PKIB: variants seen among roughly 807,000 people sequenced by gnomAD.
The protein encoded by PKIB is cAMP-dependent protein kinase inhibitor beta, also known as PKI-beta.
Under a neutral mutation model 4.5 loss-of-function variants are expected in PKIB, and 2 were observed. The ratio of observed to expected loss-of-function variants is 0.44; its 90% CI spans 0.18 to 1.39. The LOEUF (loss-of-function observed/expected upper bound fraction) is 1.39, where lower values mean the gene tolerates loss of function less well. Among genes scored for constraint, PKIB ranks in the 40% most tolerant of loss-of-function variants. The probability of loss-of-function intolerance (pLI) is 0.27; values close to 1 mark genes in which losing one functional copy is unlikely to be tolerated. For missense variants in PKIB, 94 were observed against 92.6 expected (o/e 1.02, Z -0.06); for synonymous variants, 38 against 36.0 (o/e 1.06, Z -0.20).
At chr6:122,676,987 T>A (rs1209777948) in intron 3 of PKIB, among the ~76,000 whole-genome samples, 1 of 152,212 alleles carries the variant, frequency 6.6e-6, no homozygotes, top group East Asian at 1.9e-4. Context: ...CTACATTGTT[T>A]TATAGATCTT....
intron 2 of PKIB, among the ~76,000 whole-genome samples, chr6:122,654,053 G>C (rs571813656): frequency 5.4e-4 from 83 of 152,308 alleles, no homozygotes; most frequent in African/African-American, 2.0e-3. Flanking sequence ...ATTATGGTCA[G>C]CAAGATATGC....
At chr6:122,674,469 C>A (rs1777592711) in intron 2 of PKIB, among the ~76,000 whole-genome samples, 1 of 152,114 alleles carries the variant, frequency 6.6e-6, no homozygotes, top group African/African-American at 2.4e-5. Flanking sequence ...ATTTTTCACC[C>A]TTCTTATGCC....
At chr6:122,506,328 A>G (rs1305711617) in intron 2 of PKIB, among the ~76,000 whole-genome samples, 1 of 152,202 alleles carries the variant, frequency 6.6e-6, no homozygotes, top group Non-Finnish European at 1.5e-5. Flanking sequence ...TTTGGTGGGA[A>G]GAAAACTGAT....
intron 2 of PKIB, among the ~76,000 whole-genome samples, chr6:122,575,734 A>G (rs1008089832): frequency 6.6e-6 from 1 of 152,192 alleles, no homozygotes; most frequent in African/African-American, 2.4e-5. Flanking sequence ...GCAAAGGCAT[A>G]ACAGTACTAT....
intron 4 of PKIB, among the ~76,000 whole-genome samples, chr6:122,720,890 C>T (rs1020305184): frequency 9.2e-5 from 14 of 152,172 alleles, no homozygotes; most frequent in African/African-American, 3.4e-4. Context: ...TTAGTAGAAA[C>T]GGGGTTTCAC....
intron 3 of PKIB, among the ~76,000 whole-genome samples, chr6:122,684,003 G>T (rs912294560): frequency 1.3e-5 from 2 of 152,168 alleles, no homozygotes; most frequent in Admixed American, 1.3e-4. Context: ...AGAAAATGTG[G>T]TATATTTATA....
At chr6:122,633,763 T>G (rs1469833149) in intron 2 of PKIB, among the ~76,000 whole-genome samples, 1 of 152,218 alleles carries the variant, frequency 6.6e-6, no homozygotes, top group African/African-American at 2.4e-5. Context: ...TCTTATAAAC[T>G]GACTGCTTTT....
intron 3 of PKIB, among the ~76,000 whole-genome samples, chr6:122,703,046 G>A (rs531245522): frequency 1.3e-5 from 2 of 152,118 alleles, no homozygotes; most frequent in Non-Finnish European, 2.9e-5. Context: ...GTGCAATAAT[G>A]TGCTACAGAA....
intron 2 of PKIB, among the ~76,000 whole-genome samples, chr6:122,544,949 G>T (rs1458289609): frequency 6.6e-6 from 1 of 151,994 alleles, no homozygotes; most frequent in Non-Finnish European, 1.5e-5. Context: ...ATACCATCTT[G>T]CACTGGTCAG....
chr6:122,521,584 G>A (rs1259691086), intron 2 of PKIB, among the ~76,000 whole-genome samples: 1 of 152,102 alleles, frequency 6.6e-6, no homozygotes, highest in Admixed American at 6.6e-5. Context: ...GGAGGCTGAG[G>A]CAGGAGAATG....
chr6:122,489,980 T>A (rs1775891867), intron 2 of PKIB, among the ~76,000 whole-genome samples: 1 of 152,340 alleles, frequency 6.6e-6, no homozygotes, highest in South Asian at 2.1e-4. Flanking sequence ...CCTTTCTGTG[T>A]ATACAAAAAA....
At chr6:122,682,541 G>T (rs1404354552) in intron 3 of PKIB, among the ~76,000 whole-genome samples, 1 of 151,954 alleles carries the variant, frequency 6.6e-6, no homozygotes, top group Admixed American at 6.5e-5. Context: ...TTCAACTTGA[G>T]GGGTTATTTT....
intron 2 of PKIB, among the ~76,000 whole-genome samples, chr6:122,671,915 A>G (rs1203730241): frequency 6.6e-6 from 1 of 152,180 alleles, no homozygotes; most frequent in South Asian, 2.1e-4. Flanking sequence ...AAGAAAAAAT[A>G]AGTATTTATT....
intron 2 of PKIB, among the ~76,000 whole-genome samples, chr6:122,513,683 C>T (rs138564332): frequency 2.0e-5 from 3 of 152,186 alleles, no homozygotes; most frequent in Non-Finnish European, 4.4e-5. Flanking sequence ...TTTAGTTCCA[C>T]GTGGGCTCAA....
intron 2 of PKIB, among the ~76,000 whole-genome samples, chr6:122,667,827 G>A (rs1181673177): frequency 3.3e-5 from 5 of 152,182 alleles, no homozygotes; most frequent in African/African-American, 1.2e-4. Flanking sequence ...GCTCTTTCCA[G>A]ATTGATCTGA....
At chr6:122,683,685 T>C (rs1777988074) in intron 3 of PKIB, among the ~76,000 whole-genome samples, 1 of 152,222 alleles carries the variant, frequency 6.6e-6, no homozygotes, top group Non-Finnish European at 1.5e-5. Context: ...CCAAGCAAGA[T>C]GGCTTTACCA....
At chr6:122,715,533 C>T (rs1398867485) in intron 3 of PKIB, among the ~76,000 whole-genome samples, 2 of 151,478 alleles carry the variant, frequency 1.3e-5, no homozygotes. Flanking sequence ...ACAAGATAAC[C>T]AAACATTCAA....
intron 2 of PKIB, among the ~76,000 whole-genome samples, chr6:122,522,411 C>G (rs1776971663): frequency 2.0e-5 from 3 of 152,088 alleles, no homozygotes; most frequent in Admixed American, 2.0e-4. Context: ...CACAGGCATT[C>G]CAGGCACCAC....
chr6:122,696,541 G>A (rs932246508), intron 3 of PKIB, among the ~76,000 whole-genome samples: 1 of 152,212 alleles, frequency 6.6e-6, no homozygotes, highest in East Asian at 1.9e-4. Context: ...TAGAAAGGTA[G>A]ACAAGCAATG....
Sources: gnomAD v4.1 joint callset for allele counts (sites outside exome capture counted in the v4.1 genomes callset) on GRCh38, gnomAD v4.1.1 for gene constraint, MANE v1.5 for transcripts, NCBI Gene and HGNC (gene_info 2026-07-23, HGNC 2026-07-21) for gene names.